The following SLCO5A1 variants were observed in gnomAD, a reference collection of about 807,000 sequenced individuals.
The protein encoded by SLCO5A1 is organic anion transporter polypeptide-related protein 4.
In SLCO5A1, 39 loss-of-function variants were observed where a neutral mutation model predicts 65.1. The ratio of observed to expected loss-of-function variants is 0.60; its 90% confidence interval spans 0.46 to 0.78. The LOEUF (loss-of-function observed/expected upper bound fraction) is 0.78, where lower values mean the gene tolerates loss of function less well. Ranked by LOEUF, SLCO5A1 falls within the 30% of genes least tolerant of loss-of-function variation. The pLI, the probability that SLCO5A1 is intolerant of heterozygous loss-of-function variation, is 0.00. For missense variants in SLCO5A1, 1,029 were observed against 1,069.4 expected (o/e 0.96, Z 0.53); for synonymous variants, 438 against 415.7 (o/e 1.05, Z -0.65).
At chr8:69,800,022 G>C (rs1220202685) in intron 2 of SLCO5A1, among the ~76,000 whole-genome samples, 1 of 151,598 alleles carries the variant, frequency 6.6e-6, no homozygotes, top group Non-Finnish European at 1.5e-5. Flanking sequence ...GGTATTTTTT[G>C]CTGTTGTTTC....
intron 4 of SLCO5A1, among the ~76,000 whole-genome samples, chr8:69,753,564 G>T (rs1817415126): frequency 6.6e-6 from 1 of 152,166 alleles, no homozygotes; most frequent in Non-Finnish European, 1.5e-5. Context: ...GTTGGTATTT[G>T]ATATCAATCT....
chr8:69,742,994 GT>G (rs1816859333), intron 4 of SLCO5A1, among the ~76,000 whole-genome samples: 1 of 151,932 alleles, frequency 6.6e-6, no homozygotes, highest in Non-Finnish European at 1.5e-5. Flanking sequence ...TAGAGACGGA[GT>G]TTCACCATGT....
intron 5 of SLCO5A1, among the ~76,000 whole-genome samples, chr8:69,712,529 G>T (rs183013359): frequency 1.3e-5 from 2 of 152,284 alleles, no homozygotes; most frequent in East Asian, 3.9e-4. Context: ...CCAAAGGAGA[G>T]AACAAAATTA....
chr8:69,756,080 T>A (rs1440351644), intron 3 of SLCO5A1, among the ~76,000 whole-genome samples: 1 of 152,220 alleles, frequency 6.6e-6, no homozygotes, highest in African/African-American at 2.4e-5. Flanking sequence ...ATGTGAAATA[T>A]GTTTTAAATT....
intron 6 of SLCO5A1, among the ~76,000 whole-genome samples, chr8:69,692,846 T>C (rs1814333122): frequency 6.6e-6 from 1 of 152,174 alleles, no homozygotes; most frequent in African/African-American, 2.4e-5. Flanking sequence ...TGCCAGAGGC[T>C]GTTTCCCAGT....
intron 4 of SLCO5A1, among the ~76,000 whole-genome samples, chr8:69,747,326 G>A (rs974204590): frequency 6.6e-6 from 1 of 152,062 alleles, no homozygotes; most frequent in African/African-American, 2.4e-5. Context: ...CTTCTTTTAT[G>A]AGTACTTAAA....
At chr8:69,739,276 G>A (rs530877066) in intron 4 of SLCO5A1, among the ~76,000 whole-genome samples, 15 of 152,020 alleles carry the variant, frequency 9.9e-5, no homozygotes, top group East Asian at 3.9e-4. Flanking sequence ...AAATTAAAAC[G>A]TCATATCCAA....
At chr8:69,688,784 C>A (rs566842219) in intron 6 of SLCO5A1, among the ~76,000 whole-genome samples, 21 of 151,944 alleles carry the variant, frequency 1.4e-4, no homozygotes, top group Admixed American at 6.6e-5. Context: ...TGTGAATAGT[C>A]CCGCAATAAA....
intron 2 of SLCO5A1, among the ~76,000 whole-genome samples, chr8:69,802,894 G>A (rs1047060764): frequency 3.3e-5 from 5 of 152,188 alleles, no homozygotes; most frequent in African/African-American, 9.7e-5. Flanking sequence ...TCCCAGAGGC[G>A]AGAACTTCAT....
At chr8:69,697,142 C>A (rs1814531050) in intron 6 of SLCO5A1, among the ~76,000 whole-genome samples, 2 of 152,194 alleles carry the variant, frequency 1.3e-5, no homozygotes, top group African/African-American at 4.8e-5. Flanking sequence ...TGAACAAAGC[C>A]CTGTGCCGAG....
At chr8:69,827,041 G>A (rs993848867) in intron 2 of SLCO5A1, among the ~76,000 whole-genome samples, 27 of 150,534 alleles carry the variant, frequency 1.8e-4, no homozygotes, top group African/African-American at 5.6e-4. Flanking sequence ...GTAAACTATC[G>A]CAAGAACAAG....
chr8:69,812,158 G>A (rs72660179), intron 2 of SLCO5A1, among the ~76,000 whole-genome samples: 215 of 152,278 alleles, frequency 1.4e-3, no homozygotes, highest in Non-Finnish European at 2.7e-3. Context: ...TGGTGTTAAA[G>A]AAACCCTAAA....
chr8:69,803,192 G>A (rs529035987), intron 2 of SLCO5A1, among the ~76,000 whole-genome samples: 91 of 152,076 alleles, frequency 6.0e-4, no homozygotes, highest in African/African-American at 2.1e-3. Flanking sequence ...AAGGCGGGTG[G>A]ATCATCTGAG....
chr8:69,720,935 T>A (rs1022426387), intron 5 of SLCO5A1, among the ~76,000 whole-genome samples: 2 of 152,184 alleles, frequency 1.3e-5, no homozygotes, highest in African/African-American at 4.8e-5. Context: ...ATGGGTGTGA[T>A]TGGGTTCCAA....
At chr8:69,689,353 T>C (rs1252955664) in intron 6 of SLCO5A1, among the ~76,000 whole-genome samples, 1 of 98,444 alleles carries the variant, frequency 1.0e-5, no homozygotes, top group Non-Finnish European at 1.9e-5. Flanking sequence ...TTAGATCCCA[T>C]TTGTCAATTT....
chr8:69,817,972 A>G (rs1025762206), intron 2 of SLCO5A1, among the ~76,000 whole-genome samples: 7 of 152,216 alleles, frequency 4.6e-5, no homozygotes, highest in Non-Finnish European at 1.0e-4. Flanking sequence ...CTCCGATATC[A>G]AGAGTTCTAC....
chr8:69,831,102 A>G (rs1263687477), intron 2 of SLCO5A1, among the ~76,000 whole-genome samples: 1 of 152,104 alleles, frequency 6.6e-6, no homozygotes, highest in Non-Finnish European at 1.5e-5. Context: ...GTGAAACCCC[A>G]TCTCTACAAA....
At chr8:69,783,898 C>T (rs1054148135) in intron 2 of SLCO5A1, among the ~76,000 whole-genome samples, 16 of 151,988 alleles carry the variant, frequency 1.1e-4, no homozygotes, top group East Asian at 9.6e-4. Context: ...AAATTATGAA[C>T]CCTGGATGAC....
intron 2 of SLCO5A1, among the ~76,000 whole-genome samples, chr8:69,820,711 T>G (rs1346734783): frequency 2.6e-5 from 4 of 152,066 alleles, no homozygotes; most frequent in African/African-American, 9.7e-5. Context: ...TAAAAAAATA[T>G]TTTTCCGTAC....
Sources: gnomAD v4.1 joint callset for allele counts (sites outside exome capture counted in the v4.1 genomes callset) on GRCh38, gnomAD v4.1.1 for gene constraint, MANE v1.5 for transcripts, NCBI Gene and HGNC (gene_info 2026-07-23, HGNC 2026-07-21) for gene names.